The following PGAP6 variants were observed in gnomAD, a reference collection of about 807,000 sequenced individuals.
PGAP6 encodes post-GPI attachment to proteins factor 6.
A neutral mutation model predicts 68.4 loss-of-function variants in PGAP6; 62 were observed. The observed-to-expected ratio is 0.91, with a 90% CI of 0.74 to 1.12. The LOEUF is 1.12. Among genes scored for constraint, PGAP6 ranks in the 50% most tolerant of loss-of-function variants. The pLI is 0.00. For missense variants in PGAP6, 1,188 were observed against 1,068.5 expected (o/e 1.11, Z -1.56); for synonymous variants, 575 against 474.0 (o/e 1.21, Z -2.77).
intron 1 of PGAP6, 149 bp downstream of exon 1, chr16:381,552 G>GT (rs2054438205): frequency 2.0e-6 from 1 of 492,068 alleles, no homozygotes; most frequent in Non-Finnish European, 2.9e-6. Context: ...GCGCCCCAAA[G>GT]GGCCACTGTG....
At position 380,528 on chromosome 16, in the gene PGAP6, G is replaced by A. The variant is rs1026582740; in HGVS notation, c.121+1173C>T. Among the ~76,000 whole-genome samples, 9 of 152,000 alleles carry A rather than the reference G, an allele frequency of 5.9e-5. No individual in the cohort carries two copies. In the East Asian group the frequency reaches 1.5e-3, roughly 26 times the overall value. Reference sequence around the variant, plus strand: ...ATTACAGGCATGCGCCACCACTGCCGGCTAATTTTGTATTCTTAGTAGAGA... The same window carrying A: ...ATTACAGGCATGCGCCACCACTGCCAGCTAATTTTGTATTCTTAGTAGAGA... On this transcript the variant is annotated intron_variant, in intron 1 of 12. Transcript: ENST00000431232.
intron 4 of PGAP6, 93 bp downstream of exon 4, chr16:376,944 C>A (rs889708844): frequency 6.4e-7 from 1 of 1,570,500 alleles, no homozygotes; most frequent in African/African-American, 1.3e-5. Context: ...CAGCCCAACC[C>A]CAGGACTCAG....
chr16:372,488 G>A (rs2054343910), intron 12 of PGAP6, 123 bp downstream of exon 12: 1 of 981,310 alleles, frequency 1.0e-6, no homozygotes, highest in East Asian at 2.4e-5. Context: ...GGGTGCCATG[G>A]CAACCCCCAG....
chr16:378,350 T>G lies in PGAP6; in HGVS notation c.122-502A>C, dbSNP rs1311836969. Among the ~76,000 whole-genome samples the G allele has an allele frequency of 3.2e-3, 37 of 11,422 alleles. 1 individual carries two copies. The highest frequency in any genetic ancestry group is 5.5e-3 in the South Asian group (2 of 362). The allele number at this position is 11,422 out of a possible 152,430, so 7.5% of individuals were successfully genotyped here. ...GCCACCCGCACTGCCATCGCCACTCTGACTGCCATCCCCACCCGCACTGCC... is the reference window on the plus strand; with the variant it reads ...GCCACCCGCACTGCCATCGCCACTCGGACTGCCATCCCCACCCGCACTGCC... On this transcript the variant is annotated intron_variant, in intron 1 of 12. Transcript: ENST00000431232.
intron 1 of PGAP6, among the ~76,000 whole-genome samples, chr16:381,163 C>A (rs902688304): frequency 1.3e-5 from 2 of 152,238 alleles, no homozygotes; most frequent in African/African-American, 4.8e-5. Context: ...CCTCTTCCGC[C>A]AGCTGGGAGT....
upstream of PGAP6, among the ~76,000 whole-genome samples, chr16:384,996 T>A (rs1275018915): frequency 2.6e-5 from 4 of 151,434 alleles, no homozygotes; most frequent in Non-Finnish European, 5.9e-5. Context: ...ATTATTTTTG[T>A]CTCTACTAAA....
intron 2 of PGAP6, 30 bp from the exon 3 acceptor site, chr16:377,615 G>A: frequency 6.4e-7 from 1 of 1,569,116 alleles, no homozygotes; most frequent in Non-Finnish European, 8.6e-7. Flanking sequence ...ACCGGGTTCA[G>A]GCACAGGGCT....
chr16:375,572 G>A (rs375011215), intron 6 of PGAP6, 137 bp from the exon 7 acceptor site: 16 of 722,292 alleles, frequency 2.2e-5, no homozygotes, highest in South Asian at 1.1e-4. Flanking sequence ...TTGCTCTGTC[G>A]CCCAGGCTGG....
Position 372,251 on chromosome 16 carries a change from G to A in PGAP6, c.2052C>T (p.Tyr684=). The change falls in exon 13 of 13, where the codon TAC becomes TAT. Residue 684 remains tyrosine (Y), a synonymous_variant. Coordinates refer to ENST00000431232, the MANE Select transcript of PGAP6 (RefSeq NM_021259.3). The part of the protein sequence containing the change: ...AYRCGHRRQC[Y]PTSWQRWAFY... Reference sequence around the variant, plus strand: ...AGGCCCAGCGCTGCCACGAGGTGGGGTAGCACTGGCGCCGGTGCCCGCAGC... The same window carrying A: ...AGGCCCAGCGCTGCCACGAGGTGGGATAGCACTGGCGCCGGTGCCCGCAGC... 6.2e-7 allele frequency: 1 copy of A among 1,611,668 alleles called. No individual in the cohort carries two copies.
At position 375,899 on chromosome 16, in the gene PGAP6, G is replaced by A. The variant is rs920279154; in HGVS notation, c.1224+237C>T. Among the ~76,000 whole-genome samples the A allele has an allele frequency of 2.6e-5, 4 of 152,144 alleles. No homozygotes were observed. In the South Asian group the frequency reaches 8.3e-4, roughly 32 times the overall value. On this transcript the variant is annotated intron_variant, in intron 6 of 12. Coordinates refer to ENST00000431232, the MANE Select transcript of PGAP6 (RefSeq NM_021259.3). ...CCGGGACCTTCCTCCCCGGGCCCTGGGACATCCTGCCTCCACCCCACCTCT... is the reference window on the plus strand; with the variant it reads ...CCGGGACCTTCCTCCCCGGGCCCTGAGACATCCTGCCTCCACCCCACCTCT...
chr16:374,727 C>G, intron 9 of PGAP6, 29 bp downstream of exon 9: 1 of 1,610,844 alleles, frequency 6.2e-7, no homozygotes, highest in Middle Eastern at 1.8e-4. Flanking sequence ...GCAGCAGCGT[C>G]TCGGGGCGGG....
Position 377,411 on chromosome 16 carries a change from G to A in PGAP6, c.474C>T (p.His158=). 1.2e-6 allele frequency: 2 copies of A among 1,606,616 alleles called. No individual in the cohort carries two copies. Among genetic ancestry groups the A allele is most frequent in the Admixed American group, 1.7e-5 (1 of 59,574 alleles). ...PAPGDWFVAA[H]LPPSSQKIEL... The stretch of plus-strand genomic sequence containing the variant: ...CGATCTTCTGGGATGAGGGGGGCAG[G>A]TGGGCGGCCACGAACCAGTCCCCGG... Residue 158 remains histidine, a synonymous_variant, in exon 3 of 13, where the codon CAC becomes CAT. Coordinates refer to ENST00000431232, the MANE Select transcript of PGAP6 (RefSeq NM_021259.3).
chr16:381,446 G>A (rs1157102939), intron 1 of PGAP6, among the ~76,000 whole-genome samples: 1 of 152,156 alleles, frequency 6.6e-6, no homozygotes. Context: ...AGGAGGGAGG[G>A]GAGGGGGCGC....
At chr16:378,838 T>A (rs2054415229) in intron 1 of PGAP6, among the ~76,000 whole-genome samples, 1 of 152,326 alleles carries the variant, frequency 6.6e-6, no homozygotes, top group Admixed American at 6.5e-5. Context: ...ACAGCTGCCC[T>A]CTGCGTTCCA....
chr16:377,448 G>A lies in PGAP6; in HGVS notation c.437C>T (p.Ser146Phe), dbSNP rs1397679468. 1 of 1,611,032 alleles carries A rather than the reference G, an allele frequency of 6.2e-7. No individual in the cohort carries two copies. The highest frequency in any genetic ancestry group is 1.7e-5 in the Admixed American group (1 of 59,870). ...TPRSNASVNV[S>F]HPAPGDWFVA... The stretch of plus-strand genomic sequence containing the variant: ...GAACCAGTCCCCGGGGGCCGGGTGG[G>A]AAACGTTGACGGAGGCATTGCTTCT... The change falls in exon 3 of 13, where the codon TCC (serine) becomes TTC (phenylalanine). Residue 146 changes from serine (S) to phenylalanine (F), a missense_variant. Ser to Phe is a radical substitution (Grantham distance 155). Transcript: ENST00000431232.
At position 376,193 on chromosome 16, in the gene PGAP6, G is replaced by C. The variant is rs1481069830; in HGVS notation, c.1167C>G (p.Arg389=). The change falls in exon 6 of 13, where the codon CGC becomes CGG. Residue 389 remains arginine (R), a synonymous_variant. Coordinates refer to ENST00000431232, the MANE Select transcript of PGAP6 (RefSeq NM_021259.3). ...CCCCGCTGTCCATGCCGGTGTTCAG[G>C]CGCAGCCGCATCACGGAGGGCGTGT... is the stretch of plus-strand genomic sequence containing the variant. The part of the protein sequence containing the change: ...CSDTPSVMRL[R]LNTGMDSGGS... 3 of 1,612,546 alleles carry C rather than the reference G, an allele frequency of 1.9e-6. No homozygotes were observed. Among genetic ancestry groups the C allele is most frequent in the Admixed American group, 1.7e-5 (1 of 60,016 alleles).
chr16:373,918 G>C (rs893838522), intron 11 of PGAP6, 87 bp downstream of exon 11: 4 of 1,448,894 alleles, frequency 2.8e-6, no homozygotes, highest in African/African-American at 1.4e-5. Context: ...CGCCAGGTCC[G>C]GCCTCTCCCA....
At chr16:386,039 A>C (rs560090755), upstream of PGAP6, among the ~76,000 whole-genome samples, 1 of 152,204 alleles carries the variant, frequency 6.6e-6, no homozygotes, top group South Asian at 2.1e-4. Flanking sequence ...ATTTCCAAAC[A>C]AACAGGAAGA....
At chr16:381,537 A>G (rs1025216737) in intron 1 of PGAP6, among the ~76,000 whole-genome samples, 164 bp downstream of exon 1, 1 of 152,000 alleles carries the variant, frequency 6.6e-6, no homozygotes, top group Non-Finnish European at 1.5e-5. Context: ...CCCCTAGGAC[A>G]CGAAGCGCCC....
Sources: allele counts gnomAD v4.1 joint callset (sites outside exome capture counted in the v4.1 genomes callset), GRCh38; gene constraint gnomAD v4.1.1; transcripts MANE v1.5; gene names NCBI Gene and HGNC (gene_info 2026-07-23, HGNC 2026-07-21).